Variants in FAM20B observed in about 807,000 individuals in gnomAD.
The protein encoded by FAM20B is glycosaminoglycan xylosylkinase.
FAM20B carries 23 observed loss-of-function variants against 43.8 expected under a neutral mutation model. The observed-to-expected ratio is 0.53, with a 90% confidence interval of 0.38 to 0.74. The LOEUF is 0.74. Ranked by LOEUF, FAM20B falls within the 30% of genes least tolerant of loss-of-function variation. The pLI is 0.00. For missense variants in FAM20B, 440 were observed against 510.5 expected (o/e 0.86, Z 1.33); for synonymous variants, 178 against 192.4 (o/e 0.93, Z 0.62).
intron 2 of FAM20B, among the ~76,000 whole-genome samples, chr1:179,049,922 C>T (rs1455361209): frequency 6.6e-6 from 1 of 152,184 alleles, no homozygotes; most frequent in Non-Finnish European, 1.5e-5. Context: ...TATTAAGCAC[C>T]AACTATGTGC....
intron 3 of FAM20B, among the ~76,000 whole-genome samples, chr1:179,052,849 C>A (rs971627815): frequency 6.6e-6 from 1 of 152,208 alleles, no homozygotes; most frequent in Non-Finnish European, 1.5e-5. Flanking sequence ...CAACTCCCTT[C>A]TTCCTATCCT....
intron 4 of FAM20B, among the ~76,000 whole-genome samples, chr1:179,061,116 T>C (rs1027104045): frequency 1.6e-4 from 23 of 147,158 alleles, no homozygotes; most frequent in African/African-American, 5.3e-4. Context: ...TTTTGCTGTG[T>C]CACCCAGGCT....
At chr1:179,025,817 G>C (rs1649738462), upstream of FAM20B, 1 of 148,424 alleles carries the variant, frequency 6.7e-6, no homozygotes, top group African/African-American at 2.5e-5. Context: ...CGCGCCGAGC[G>C]AGCGCTGGGA....
intron 2 of FAM20B, among the ~76,000 whole-genome samples, chr1:179,046,929 A>G (rs1572542934): frequency 6.6e-6 from 1 of 151,900 alleles, no homozygotes; most frequent in Non-Finnish European, 1.5e-5. Flanking sequence ...CCGGAGGCGG[A>G]GGTTGTAGTG....
intron 7 of FAM20B, among the ~76,000 whole-genome samples, chr1:179,067,868 A>G (rs1651755258): frequency 6.6e-6 from 1 of 152,042 alleles, no homozygotes; most frequent in South Asian, 2.1e-4. Flanking sequence ...GGTTTAAGCA[A>G]TTCTTGTGCC....
At chr1:179,056,933 G>A (rs1651245271) in intron 4 of FAM20B, among the ~76,000 whole-genome samples, 1 of 152,124 alleles carries the variant, frequency 6.6e-6, no homozygotes, top group Non-Finnish European at 1.5e-5. Context: ...CTTTGCTGAG[G>A]TGTCTGTTAA....
At position 179,074,767 on chromosome 1, in the gene FAM20B, A is replaced by G. The variant is rs1005183149; in HGVS notation, c.*2623A>G. The G allele has an allele frequency of 2.0e-5, 3 of 152,076 alleles. No individual in the cohort carries two copies. The highest frequency in any genetic ancestry group is 7.2e-5 in the African/African-American group (3 of 41,456). The allele number at this position is 152,076 out of a possible 1,614,324, so 9.4% of individuals were successfully genotyped here. ...AGTGGTATGACATGGCACTAAAAAT[A>G]TAAATTTTTGTTGTAAGTCAGGATT... On this transcript the variant is annotated 3_prime_UTR_variant, in exon 8 of 8. Transcript: ENST00000263733.
intron 4 of FAM20B, among the ~76,000 whole-genome samples, chr1:179,057,212 G>A (rs1243161678): frequency 6.6e-6 from 1 of 152,064 alleles, no homozygotes; most frequent in Non-Finnish European, 1.5e-5. Context: ...GGGCATGGTG[G>A]CACACACCTG....
chr1:179,071,019 G>A (rs556127534), intron 7 of FAM20B, among the ~76,000 whole-genome samples: 163 of 151,982 alleles, frequency 1.1e-3, no homozygotes, highest in South Asian at 6.4e-3. Context: ...TTTCCGCCAG[G>A]CGCAGTGGCT....
At chr1:179,032,305 G>T (rs7541793) in intron 1 of FAM20B, among the ~76,000 whole-genome samples, 1 of 144,226 alleles carries the variant, frequency 6.9e-6, no homozygotes, top group Non-Finnish European at 1.5e-5. Flanking sequence ...ACATGTAGAG[G>T]TCTCATTCTT....
upstream of FAM20B, among the ~76,000 whole-genome samples, chr1:179,023,675 G>A (rs749242322): frequency 4.3e-4 from 65 of 152,268 alleles, no homozygotes; most frequent in Non-Finnish European, 8.4e-4. Flanking sequence ...TGAAGATGGC[G>A]GCTGTAAGTT....
chr1:179,066,743 T>G, intron 6 of FAM20B, 57 bp from the exon 7 acceptor site: 1 of 1,177,612 alleles, frequency 8.5e-7, no homozygotes, highest in Non-Finnish European at 1.3e-6. Context: ...ATTGCTTTGA[T>G]GCTAAGAAGA....
intron 2 of FAM20B, among the ~76,000 whole-genome samples, chr1:179,045,722 T>TA (rs1267976717): frequency 6.6e-6 from 1 of 151,750 alleles, no homozygotes. Flanking sequence ...TCTGTCTCTA[T>TA]AAAAAAATAA....
chr1:179,048,000 C>A (rs1052051547), intron 2 of FAM20B, among the ~76,000 whole-genome samples: 1 of 152,130 alleles, frequency 6.6e-6, no homozygotes, highest in Non-Finnish European at 1.5e-5. Flanking sequence ...CTCAGAGATA[C>A]AAGGTGTGTG....
At chr1:179,059,766 G>A (rs1246359459) in intron 4 of FAM20B, among the ~76,000 whole-genome samples, 3 of 151,944 alleles carry the variant, frequency 2.0e-5, no homozygotes, top group Non-Finnish European at 4.4e-5. Context: ...GAGGCCAGGA[G>A]TTTGAGACCA....
In FAM20B at chr1:179,055,061, A is replaced by C. The variant is rs865782253; in HGVS notation, c.574+423A>C. On this transcript the variant is annotated intron_variant, in intron 4 of 7. Transcript: ENST00000263733. ...TTAGAATTGAGGAAATCTTAAGGCA[A>C]CTCTTTAGGAGGCTCAGAAATTATT... Among the ~76,000 whole-genome samples the C allele has an allele frequency of 4.9e-4, 75 of 152,202 alleles. No homozygotes were observed. The Middle Eastern group carries it at 0.01, about 21-fold the overall frequency.
the FAM20B span, among the ~76,000 whole-genome samples, chr1:179,020,366 G>T: frequency 6.6e-6 from 1 of 152,192 alleles, no homozygotes; most frequent in South Asian, 2.1e-4. Context: ...TAGGGGGTCT[G>T]GTCCACCAAG....
intron 1 of FAM20B, among the ~76,000 whole-genome samples, chr1:179,031,843 G>A (rs1014967863): frequency 3.3e-5 from 5 of 152,224 alleles, no homozygotes; most frequent in African/African-American, 1.2e-4. Context: ...ACTGAAAACA[G>A]TTGTGAAAGG....
Position 179,030,941 on chromosome 1 carries a change from G to A in FAM20B, c.-134+4843G>A, listed in dbSNP as rs569703384. ...TGTGTGAGTTCATAGTATAACAGAG[G>A]GATCATGCCTGGAGCCACCTAGCCA... On this transcript the variant is annotated intron_variant, in intron 1 of 7. Transcript: ENST00000263733. Among the ~76,000 whole-genome samples the A allele has an allele frequency of 4.5e-4, 69 of 152,084 alleles. 1 individual carries two copies. The highest frequency in any genetic ancestry group is 1.7e-3 in the African/African-American group (69 of 41,486).
Sources: allele counts gnomAD v4.1 joint callset (sites outside exome capture counted in the v4.1 genomes callset), GRCh38; gene constraint gnomAD v4.1.1; transcripts MANE v1.5; gene names NCBI Gene and HGNC (gene_info 2026-07-23, HGNC 2026-07-21).